Variants in GRIP1 observed in about 807,000 individuals in gnomAD.
GRIP1 encodes the protein glutamate receptor-interacting protein 1.
A neutral mutation model predicts 129.9 loss-of-function variants in GRIP1; 45 were observed. That is an observed-to-expected ratio of 0.35 (90% CI 0.27 to 0.44). The LOEUF (loss-of-function observed/expected upper bound fraction) is 0.44, where lower values mean the gene tolerates loss of function less well. Among genes scored for constraint, GRIP1 ranks in the 20% least tolerant of loss-of-function variants. The pLI, the probability that GRIP1 is intolerant of heterozygous loss-of-function variation, is 1.00. For synonymous variants in GRIP1, 530 were observed against 520.8 expected (o/e 1.02, Z -0.24); for missense variants, 1,196 against 1,396.8 (o/e 0.86, Z 2.29).
intron 1 of GRIP1, among the ~76,000 whole-genome samples, chr12:67,041,974 G>C (rs1592505376): frequency 6.6e-6 from 1 of 152,186 alleles, no homozygotes; most frequent in African/African-American, 2.4e-5. Context: ...CATTTTAACA[G>C]TGCTAAGAGG....
At position 66,728,558 on chromosome 12, in the gene GRIP1, T is replaced by G. The variant is rs927406463; in HGVS notation, c.-420+75495A>C. Among the ~76,000 whole-genome samples, 4 of 152,208 alleles carry G rather than the reference T, an allele frequency of 2.6e-5. No individual in the cohort carries two copies. The East Asian group carries it at 5.8e-4, about 22-fold the overall frequency. On this transcript the variant is annotated intron_variant, in intron 1 of 4. Coordinates refer to the GRIP1 transcript ENST00000538373. Reference sequence around the variant, plus strand: ...AGACATCTCATGTGATATTTTAGTTTATGCCTTTATTGGCCAGAACTTAGG... The same window carrying G: ...AGACATCTCATGTGATATTTTAGTTGATGCCTTTATTGGCCAGAACTTAGG...
intron 7 of GRIP1, among the ~76,000 whole-genome samples, chr12:66,500,153 G>A (rs12828891): frequency 0.31 from 47,053 of 152,068 alleles, 7,412 homozygotes; most frequent in Middle Eastern, 0.39. Flanking sequence ...AATGTGTCAA[G>A]TGCTTTAAAG....
At chr12:66,632,511 T>G (rs1012095363) in intron 1 of GRIP1, among the ~76,000 whole-genome samples, 1 of 152,102 alleles carries the variant, frequency 6.6e-6, no homozygotes, top group African/African-American at 2.4e-5. Context: ...CATGCTTCCT[T>G]CCCCAAAAAG....
At chr12:66,834,269 G>A (rs2039570670) in intron 1 of GRIP1, among the ~76,000 whole-genome samples, 1 of 151,066 alleles carries the variant, frequency 6.6e-6, no homozygotes, top group East Asian at 1.9e-4. Context: ...TGATTACACT[G>A]AGGCTTTGAG....
chr12:66,723,305 T>TTTC lies in GRIP1; in HGVS notation c.-420+80747_-420+80748insGAA, dbSNP rs1462110262. On this transcript the variant is annotated intron_variant, in intron 1 of 4. Coordinates refer to the GRIP1 transcript ENST00000538373. ...CTTCCTTTCTTTCTTTCTTTCTTTC[T>TTTC]TTTTTTTTTTTTTTTTTTTTTTTTT... Among the ~76,000 whole-genome samples the TTTC allele has an allele frequency of 4.4e-4, 10 of 22,686 alleles. No individual in the cohort carries two copies. The East Asian group carries it at 0.01, about 23-fold the overall frequency. 14.9% of individuals were successfully genotyped at this position (22,686 alleles called of 152,430 possible). A position where few individuals can be genotyped will look rare whatever the true frequency, so the allele number is the denominator to read the frequency against.
intron 20 of GRIP1, among the ~76,000 whole-genome samples, chr12:66,377,861 GC>G (rs755509903): frequency 2.0e-5 from 3 of 151,978 alleles, no homozygotes; most frequent in Non-Finnish European, 4.4e-5. Flanking sequence ...TAAATGGGCT[GC>G]AGCCACATGG....
Position 66,541,811 on chromosome 12 carries a change from T to C in GRIP1, c.272+4A>G, listed in dbSNP as rs2061789618. On this transcript the variant is annotated splice_donor_region_variant and intron_variant, in intron 3 of 24. Transcript: ENST00000359742. ...TTCAGTAGATTTCCCCAAGAGGCAG[T>C]TACCTAGCAGCAATTCCTCCTTGCC... 1 of 1,613,908 alleles carries C rather than the reference T, an allele frequency of 6.2e-7. No individual in the cohort carries two copies. The highest frequency in any genetic ancestry group is 1.3e-5 in the African/African-American group (1 of 75,050).
intron 11 of GRIP1, among the ~76,000 whole-genome samples, chr12:66,447,605 G>A (rs2058668343): frequency 6.6e-6 from 1 of 151,812 alleles, no homozygotes; most frequent in African/African-American, 2.4e-5. Context: ...CCCACTACAG[G>A]AGGTTGTATC....
intron 1 of GRIP1, among the ~76,000 whole-genome samples, chr12:67,010,229 G>A (rs951225511): frequency 6.6e-6 from 1 of 152,052 alleles, no homozygotes; most frequent in East Asian, 1.9e-4. Flanking sequence ...AAATGAATGA[G>A]CCAACACATA....
chr12:66,493,030 T>G (rs978535179), intron 7 of GRIP1, among the ~76,000 whole-genome samples: 3 of 63,816 alleles, frequency 4.7e-5, no homozygotes, highest in Non-Finnish European at 1.1e-4. Context: ...AACAAAAAAT[T>G]AGGTGGGCTA....
chr12:67,043,788 C>A (rs2043213622), intron 1 of GRIP1, among the ~76,000 whole-genome samples: 1 of 152,136 alleles, frequency 6.6e-6, no homozygotes, highest in Admixed American at 6.5e-5. Context: ...CTGCACATTA[C>A]TAACATGTTA....
chr12:66,428,506 A>ATACT (rs1339960073), intron 14 of GRIP1, among the ~76,000 whole-genome samples: 1 of 152,186 alleles, frequency 6.6e-6, no homozygotes, highest in Non-Finnish European at 1.5e-5. Context: ...TACTCACAAA[A>ATACT]TACTGTCTTT....
intron 1 of GRIP1, chr12:67,035,789 T>C (rs1460443172): frequency 6.6e-6 from 1 of 152,162 alleles, no homozygotes; most frequent in African/African-American, 2.4e-5. Context: ...CCATTATTAT[T>C]CCCTAACCTA....
At chr12:67,011,173 T>C (rs1335614476) in intron 1 of GRIP1, among the ~76,000 whole-genome samples, 3 of 152,244 alleles carry the variant, frequency 2.0e-5, no homozygotes, top group African/African-American at 7.2e-5. Flanking sequence ...CATCATCACC[T>C]ATGAATCCTG....
intron 1 of GRIP1, among the ~76,000 whole-genome samples, chr12:66,744,082 T>C (rs1256727408): frequency 2.0e-5 from 3 of 152,206 alleles, no homozygotes; most frequent in Non-Finnish European, 4.4e-5. Flanking sequence ...GAGAGCTACC[T>C]AGCTCTCATT....
At chr12:66,763,401 G>C (rs544095115) in intron 1 of GRIP1, among the ~76,000 whole-genome samples, 3 of 152,240 alleles carry the variant, frequency 2.0e-5, no homozygotes, top group African/African-American at 7.2e-5. Context: ...TAAGAAACAA[G>C]CTCCACCTCA....
At chr12:66,567,003 T>C (rs1227448825) in intron 2 of GRIP1, among the ~76,000 whole-genome samples, 3 of 151,636 alleles carry the variant, frequency 2.0e-5, no homozygotes, top group Non-Finnish European at 4.4e-5. Context: ...TTTTATTGCA[T>C]GTATTCTCTC....
chr12:66,897,543 T>A (rs77917720), intron 1 of GRIP1, among the ~76,000 whole-genome samples: 2,471 of 152,324 alleles, frequency 0.016, 83 homozygotes, highest in African/African-American at 0.056. Flanking sequence ...TCAGAACATA[T>A]GCTTCAAAGA....
intron 1 of GRIP1, among the ~76,000 whole-genome samples, chr12:66,981,238 G>A (rs2042238649): frequency 6.6e-6 from 1 of 152,078 alleles, no homozygotes; most frequent in South Asian, 2.1e-4. Flanking sequence ...TTCCTCTCTC[G>A]AATTCTCCTT....
Sources: allele counts gnomAD v4.1 joint callset (sites outside exome capture counted in the v4.1 genomes callset), GRCh38; gene constraint gnomAD v4.1.1; transcripts MANE v1.5; gene names NCBI Gene and HGNC (gene_info 2026-07-23, HGNC 2026-07-21).